The following CNOT6 variants were observed in gnomAD, a reference collection of about 807,000 sequenced individuals.
The protein encoded by CNOT6 is carbon catabolite repression 4 protein.
CNOT6 carries 12 observed loss-of-function variants against 61.2 expected under a neutral mutation model. The observed-to-expected ratio is 0.20, with a 90% CI of 0.13 to 0.32. The LOEUF (loss-of-function observed/expected upper bound fraction) is 0.32, where lower values mean the gene tolerates loss of function less well. Among genes scored for constraint, CNOT6 ranks in the 10% least tolerant of loss-of-function variants. The pLI is 1.00. For synonymous variants in CNOT6, 225 were observed against 240.6 expected (o/e 0.94, Z 0.60); for missense variants, 405 against 663.9 (o/e 0.61, Z 4.28).
At chr5:180,495,560 C>T (rs1378346675) in intron 1 of CNOT6, 2 of 152,224 alleles carry the variant, frequency 1.3e-5, no homozygotes, top group Non-Finnish European at 2.9e-5. Flanking sequence ...GGTCATCTCG[C>T]TCGAGCTCTT....
At chr5:180,514,056 G>A (rs528810350) in intron 1 of CNOT6, among the ~76,000 whole-genome samples, 54 of 151,986 alleles carry the variant, frequency 3.6e-4, no homozygotes, top group African/African-American at 1.2e-3. Context: ...GGCTGGTTTC[G>A]AAATCAAATG....
intron 4 of CNOT6, among the ~76,000 whole-genome samples, chr5:180,562,842 A>G (rs909275684): frequency 6.6e-6 from 1 of 152,080 alleles, no homozygotes; most frequent in Non-Finnish European, 1.5e-5. Flanking sequence ...TTTTCTCAAG[A>G]TGTGTTTCAC....
At position 180,577,040 on chromosome 5, in the gene CNOT6, C is replaced by CT. The variant is rs1160673483; in HGVS notation, c.*2843dup. 3 of 152,478 alleles carry CT rather than the reference C, an allele frequency of 2.0e-5. No individual in the cohort carries two copies. The highest frequency in any genetic ancestry group is 7.2e-5 in the African/African-American group (3 of 41,380). The allele number at this position is 152,478 out of a possible 1,614,324, so 9.4% of individuals were successfully genotyped here. A position where few individuals can be genotyped will look rare whatever the true frequency, so the allele number is the denominator to read the frequency against. ...ACCATATTAGTGGTCATTATTTATG[C>CT]TTTGAGAGTTTCAATATTGTTCGTC... is the stretch of plus-strand genomic sequence containing the variant. On this transcript the variant is annotated 3_prime_UTR_variant, in exon 12 of 12. Transcript: ENST00000261951.
At position 180,553,379 on chromosome 5, in the gene CNOT6, T is replaced by A. The variant is rs560086983; in HGVS notation, c.300-7T>A. On this transcript the variant is annotated splice_polypyrimidine_tract_variant and splice_region_variant and intron_variant, in intron 3 of 11. Transcript: ENST00000261951. The stretch of plus-strand genomic sequence containing the variant: ...TTTCTGACTTCCTGGAATTTTTACA[T>A]CAACAGGGAGCTCCATTTAAATAAC... 1 of 1,608,102 alleles carries A rather than the reference T, an allele frequency of 6.2e-7. No homozygotes were observed. The highest frequency in any genetic ancestry group is 1.3e-5 in the African/African-American group (1 of 74,878).
chr5:180,503,487 A>G (rs1001509921), intron 1 of CNOT6, among the ~76,000 whole-genome samples: 112 of 150,318 alleles, frequency 7.5e-4, no homozygotes, highest in African/African-American at 2.6e-3. Context: ...CTGGTCTCGA[A>G]CTCCTGACCT....
intron 1 of CNOT6, among the ~76,000 whole-genome samples, chr5:180,511,600 G>T (rs1004338681): frequency 2.0e-5 from 3 of 151,686 alleles, no homozygotes; most frequent in Non-Finnish European, 4.4e-5. Flanking sequence ...GACAGAGCAA[G>T]ACTTTGTCTC....
intron 10 of CNOT6, among the ~76,000 whole-genome samples, chr5:180,570,096 G>T (rs1322651406): frequency 6.6e-6 from 1 of 152,072 alleles, no homozygotes; most frequent in Admixed American, 6.6e-5. Flanking sequence ...CGTGGCTCAC[G>T]CCCGTAATCC....
At chr5:180,499,679 AAAATGATAGAACAGTT>A (rs1756775554) in intron 1 of CNOT6, among the ~76,000 whole-genome samples, 2 of 152,374 alleles carry the variant, frequency 1.3e-5, no homozygotes, top group African/African-American at 4.8e-5. Context: ...GAACCTGGTA[AAAATGATAGAACAGTT>A]TTACACGTTG....
In CNOT6 at chr5:180,571,235, G is replaced by A. The variant is rs898008382; in HGVS notation, c.1264G>A (p.Val422Ile). ...DLNSLPDSGV[V>I]EYLSTGGVET... is the part of the protein sequence containing the mutation. ...AAAATTTGTCTTCATTGTAGGTGTT[G>A]TAGAATATTTGAGCACAGGTGGAGT... The change falls in exon 11 of 12, where the codon GTA (valine) becomes ATA (isoleucine). Residue 422 changes from valine (V) to isoleucine (I), a missense_variant. Transcript: ENST00000261951. 6.2e-7 allele frequency: 1 copy of A among 1,612,244 alleles called. No homozygotes were observed. Among genetic ancestry groups the A allele is most frequent in the Non-Finnish European group, 8.5e-7 (1 of 1,178,474 alleles).
At chr5:180,552,314 G>A (rs543060777) in intron 3 of CNOT6, among the ~76,000 whole-genome samples, 5 of 152,072 alleles carry the variant, frequency 3.3e-5, no homozygotes, top group South Asian at 2.1e-4. Flanking sequence ...AAAAACCAAA[G>A]ATTATAGAAA....
intron 2 of CNOT6, among the ~76,000 whole-genome samples, chr5:180,543,408 CT>C (rs1238961432): frequency 6.6e-6 from 1 of 152,100 alleles, no homozygotes; most frequent in Non-Finnish European, 1.5e-5. Flanking sequence ...TTGAAGTTTG[CT>C]TTTTTTGCTT....
chr5:180,543,752 CTT>C (rs1478671022), intron 2 of CNOT6, among the ~76,000 whole-genome samples: 2 of 151,854 alleles, frequency 1.3e-5, no homozygotes, highest in African/African-American at 4.8e-5. Context: ...GGATATTAGT[CTT>C]TTTTATTTTG....
At chr5:180,564,055 G>C (rs938152262) in intron 4 of CNOT6, among the ~76,000 whole-genome samples, 6 of 152,156 alleles carry the variant, frequency 3.9e-5, no homozygotes, top group African/African-American at 1.4e-4. Flanking sequence ...GTGTTTTGTT[G>C]TTAGCTTTGT....
intron 1 of CNOT6, among the ~76,000 whole-genome samples, chr5:180,497,529 C>A (rs192991312): frequency 8.7e-4 from 133 of 152,204 alleles, no homozygotes; most frequent in Non-Finnish European, 1.6e-3. Flanking sequence ...TCAGTATGTT[C>A]AGCACCTTTA....
chr5:180,560,024 C>T lies in CNOT6; in HGVS notation c.386-4465C>T, dbSNP rs574350697. Among the ~76,000 whole-genome samples, 4 of 151,664 alleles carry T rather than the reference C, an allele frequency of 2.6e-5. No individual in the cohort carries two copies. The East Asian group carries it at 7.8e-4, about 29-fold the overall frequency. On this transcript the variant is annotated intron_variant, in intron 4 of 11. Coordinates refer to ENST00000261951, the MANE Select transcript of CNOT6 (RefSeq NM_001370472.1). ...AGTGCAGTGGCGCGATCTCGGCTCA[C>T]TGCAAGTTCCGCCTCCTGGGTTCAA...
chr5:180,576,871 G>A lies in CNOT6; in HGVS notation c.*2671G>A, dbSNP rs1761023154. 2 of 151,554 alleles carry A rather than the reference G, an allele frequency of 1.3e-5. No homozygotes were observed. Among genetic ancestry groups the A allele is most frequent in the South Asian group, 4.2e-4 (2 of 4,764 alleles). The allele number at this position is 151,554 out of a possible 1,614,324, so 9.4% of individuals were successfully genotyped here. A position where few individuals can be genotyped will look rare whatever the true frequency, so the allele number is the denominator to read the frequency against. ...CTGTAACAAATATATTTAATGTGTT[G>A]CCATAATGTCATTTCAGTATTTTTG... On this transcript the variant is annotated 3_prime_UTR_variant, in exon 12 of 12. Coordinates refer to ENST00000261951, the MANE Select transcript of CNOT6 (RefSeq NM_001370472.1).
chr5:180,568,286 ATATT>A (rs936284341), intron 9 of CNOT6, among the ~76,000 whole-genome samples: 6 of 151,884 alleles, frequency 4.0e-5, no homozygotes, highest in African/African-American at 1.2e-4. Flanking sequence ...GTTGAAGTAA[ATATT>A]AATTAAAATA....
Position 180,549,792 on chromosome 5 carries a change from AT to A in CNOT6, c.113-136del. 3 of 614,332 alleles carry A rather than the reference AT, an allele frequency of 4.9e-6. No individual in the cohort carries two copies. In the South Asian group the frequency reaches 6.6e-5, roughly 13 times the overall value. The allele number at this position is 614,332 out of a possible 1,614,324, so 38.1% of individuals were successfully genotyped here. Reference sequence around the variant, plus strand: ...AGCAATGAATCGTAGAATAGGTAAGATTTCCTGTTAACCCCTTCTCACAAGT... The same window carrying A: ...AGCAATGAATCGTAGAATAGGTAAGATTCCTGTTAACCCCTTCTCACAAGT... On this transcript the variant is annotated intron_variant, in intron 2 of 11. Transcript: ENST00000261951.
At chr5:180,531,721 G>A (rs932845488) in intron 2 of CNOT6, among the ~76,000 whole-genome samples, 8 of 152,238 alleles carry the variant, frequency 5.3e-5, no homozygotes, top group African/African-American at 1.4e-4. Context: ...GCAAAACTCC[G>A]TCTGTAATCC....
Sources: allele counts gnomAD v4.1 joint callset (sites outside exome capture counted in the v4.1 genomes callset), GRCh38; gene constraint gnomAD v4.1.1; transcripts MANE v1.5; gene names NCBI Gene and HGNC (gene_info 2026-07-23, HGNC 2026-07-21).